RBM47: variants seen among roughly 807,000 people sequenced by gnomAD.
RBM47 encodes the protein RNA-binding protein 47.
In RBM47, 21 loss-of-function variants were observed where a neutral mutation model predicts 47.1. The observed-to-expected ratio is 0.45, with a 90% CI of 0.32 to 0.64. The LOEUF (loss-of-function observed/expected upper bound fraction) is 0.64, where lower values mean the gene tolerates loss of function less well. Ranked by LOEUF, RBM47 falls within the 30% of genes least tolerant of loss-of-function variation. The pLI is 0.05. For missense variants in RBM47, 708 were observed against 870.9 expected (o/e 0.81, Z 2.35); for synonymous variants, 375 against 361.7 (o/e 1.04, Z -0.42).
At chr4:40,625,384 CAG>C (rs1737648346) in intron 1 of RBM47, among the ~76,000 whole-genome samples, 1 of 152,186 alleles carries the variant, frequency 6.6e-6, no homozygotes. Flanking sequence ...AGCCAGGTCT[CAG>C]TGCTCTGAAA....
At chr4:40,541,353 T>G (rs2154261894) in intron 2 of RBM47, among the ~76,000 whole-genome samples, 1 of 152,268 alleles carries the variant, frequency 6.6e-6, no homozygotes, top group South Asian at 2.1e-4. Flanking sequence ...TTAGGGTTCC[T>G]TTTGTGTATA....
At chr4:40,499,336 T>A (rs1723047258) in intron 2 of RBM47, among the ~76,000 whole-genome samples, 1 of 152,222 alleles carries the variant, frequency 6.6e-6, no homozygotes, top group Admixed American at 6.5e-5. Flanking sequence ...TAAAAGTAGG[T>A]TAGGATGTAG....
In RBM47 at chr4:40,545,048, C is replaced by CT. The variant is rs532170715; in HGVS notation, c.-239-543dup. ...CCAGCCTGGAAAACAGAGTGAGATC[C>CT]TTTTTTTTTTTTTTTTTTTTTCAGA... On this transcript the variant is annotated intron_variant, in intron 1 of 6. Transcript: ENST00000295971. 6.2e-3 allele frequency among the ~76,000 whole-genome samples: 704 copies of CT among 114,210 alleles called. 7 individuals carry two copies. The highest frequency in any genetic ancestry group is 0.018 in the Middle Eastern group (4 of 218). 74.9% of individuals were successfully genotyped at this position (114,210 alleles called of 152,430 possible).
intron 2 of RBM47, chr4:40,543,916 A>G (rs1482997230): frequency 6.8e-6 from 1 of 147,314 alleles, no homozygotes; most frequent in Non-Finnish European, 1.5e-5. Flanking sequence ...CTAAAAAGAA[A>G]AAAAAAAAAA....
chr4:40,452,689 GT>G (rs34342768), intron 3 of RBM47, among the ~76,000 whole-genome samples: 1,694 of 150,894 alleles, frequency 0.011, 35 homozygotes, highest in African/African-American at 0.038. Context: ...CACTACTGCA[GT>G]TTTTTTTTAA....
At chr4:40,476,526 G>A (rs980245616) in intron 2 of RBM47, among the ~76,000 whole-genome samples, 4 of 151,964 alleles carry the variant, frequency 2.6e-5, no homozygotes, top group African/African-American at 9.7e-5. Flanking sequence ...AAGAGAAGCA[G>A]GCAGTACAGC....
chr4:40,441,146 A>T (rs1299316926), intron 3 of RBM47, among the ~76,000 whole-genome samples: 3 of 151,660 alleles, frequency 2.0e-5, no homozygotes, highest in African/African-American at 7.3e-5. Context: ...ATGGAGGGCC[A>T]GGCAGAGTGG....
chr4:40,601,033 T>C (rs1442305798), intron 1 of RBM47, among the ~76,000 whole-genome samples: 2 of 113,472 alleles, frequency 1.8e-5, no homozygotes, highest in African/African-American at 6.0e-5. Context: ...ATCTTCCTAG[T>C]AAGCCTTTCC....
intron 3 of RBM47, among the ~76,000 whole-genome samples, chr4:40,451,218 C>T (rs867875043): frequency 1.4e-5 from 2 of 146,838 alleles, no homozygotes; most frequent in Middle Eastern, 3.6e-3. Flanking sequence ...TCAAGGCTAT[C>T]AAGACTGAGA....
intron 3 of RBM47, among the ~76,000 whole-genome samples, chr4:40,451,312 T>C (rs1333644656): frequency 6.6e-6 from 1 of 151,988 alleles, no homozygotes. Context: ...ACACTATCAA[T>C]TTAATTTTCA....
At chr4:40,513,860 C>T (rs528177037) in intron 2 of RBM47, among the ~76,000 whole-genome samples, 4 of 151,810 alleles carry the variant, frequency 2.6e-5, no homozygotes, top group Non-Finnish European at 4.4e-5. Context: ...CTGGGACTAC[C>T]GGCGCACACC....
chr4:40,466,665 C>T lies in RBM47; in HGVS notation c.-120G>A, dbSNP rs1237742169. ...TTCAGGCAGCTTCCTTGGGATTCCT[C>T]TGTTCAATTTTTGCAGTGCCCTTTG... On this transcript the variant is annotated 5_prime_UTR_variant, in exon 3 of 7. Transcript: ENST00000295971. 1 of 149,332 alleles carries T rather than the reference C, an allele frequency of 6.7e-6. No homozygotes were observed. The highest frequency in any genetic ancestry group is 6.9e-5 in the Admixed American group (1 of 14,562). The allele number at this position is 149,332 out of a possible 1,614,324, so 9.3% of individuals were successfully genotyped here.
chr4:40,424,130 C>A lies in RBM47; in HGVS notation c.*1774G>T, dbSNP rs370894029. 1.3e-5 allele frequency: 2 copies of A among 152,206 alleles called. No individual in the cohort carries two copies. Among genetic ancestry groups the A allele is most frequent in the African/African-American group, 4.8e-5 (2 of 41,452 alleles). The allele number at this position is 152,206 out of a possible 1,614,324, so 9.4% of individuals were successfully genotyped here. ...GAGGGGGAAAAAGGCATTTGGGAATCTCTTAATTTAAAACAAAACAAAAGT... is the reference window on the plus strand; with the variant it reads ...GAGGGGGAAAAAGGCATTTGGGAATATCTTAATTTAAAACAAAACAAAAGT... On this transcript the variant is annotated 3_prime_UTR_variant, in exon 7 of 7. Transcript: ENST00000295971.
At chr4:40,504,689 T>C (rs1166392615) in intron 2 of RBM47, among the ~76,000 whole-genome samples, 4 of 152,202 alleles carry the variant, frequency 2.6e-5, no homozygotes. Context: ...CCTCCCCACC[T>C]CAGCTTCTAT....
At chr4:40,481,354 C>T (rs1720360620) in intron 2 of RBM47, among the ~76,000 whole-genome samples, 1 of 149,894 alleles carries the variant, frequency 6.7e-6, no homozygotes, top group Non-Finnish European at 1.5e-5. Context: ...CTCACTGTAA[C>T]ATCTGCCTCC....
chr4:40,432,593 A>G, intron 6 of RBM47, 58 bp downstream of exon 6: 2 of 1,603,218 alleles, frequency 1.2e-6, no homozygotes, highest in Non-Finnish European at 1.7e-6. Flanking sequence ...TACTAAATGA[A>G]TCCATGTTAA....
At chr4:40,622,846 C>T (rs1030198645) in intron 1 of RBM47, among the ~76,000 whole-genome samples, 2 of 152,190 alleles carry the variant, frequency 1.3e-5, no homozygotes, top group African/African-American at 4.8e-5. Context: ...CGTGCCACTG[C>T]ACTCCAGCCT....
chr4:40,498,671 A>C (rs1461621913), intron 2 of RBM47, among the ~76,000 whole-genome samples: 2 of 78,054 alleles, frequency 2.6e-5, no homozygotes, highest in African/African-American at 7.3e-5. Context: ...ACTCCATCTC[A>C]AAAAAAAAAA....
chr4:40,547,720 T>C (rs1466689347), intron 1 of RBM47, among the ~76,000 whole-genome samples: 2 of 152,206 alleles, frequency 1.3e-5, no homozygotes, highest in Admixed American at 1.3e-4. Context: ...GGAGAGCACA[T>C]GCTCTATCCA....
Sources: allele counts gnomAD v4.1 joint callset (sites outside exome capture counted in the v4.1 genomes callset), GRCh38; gene constraint gnomAD v4.1.1; transcripts MANE v1.5; gene names NCBI Gene and HGNC (gene_info 2026-07-23, HGNC 2026-07-21).